The following COL25A1 variants were observed in gnomAD, a reference collection of about 807,000 sequenced individuals.
COL25A1 encodes the protein collagen type XXV alpha 1 chain.
Under a neutral mutation model 128.4 loss-of-function variants are expected in COL25A1, and 103 were observed. The observed-to-expected ratio is 0.80, with a 90% CI of 0.68 to 0.94. The LOEUF (loss-of-function observed/expected upper bound fraction) is 0.94. COL25A1 is among the 40% of genes least tolerant of loss of function. The pLI is 0.00. For missense variants in COL25A1, 745 were observed against 840.0 expected (o/e 0.89, Z 1.40); for synonymous variants, 279 against 277.2 (o/e 1.01, Z -0.06).
At chr4:109,237,368 G>A (rs527944796) in intron 3 of COL25A1, among the ~76,000 whole-genome samples, 4 of 152,162 alleles carry the variant, frequency 2.6e-5, no homozygotes, top group East Asian at 3.9e-4. Flanking sequence ...TCTCATACAC[G>A]AGGTATTTAG....
At chr4:108,988,682 C>T (rs1239808293) in intron 6 of COL25A1, among the ~76,000 whole-genome samples, 2 of 152,184 alleles carry the variant, frequency 1.3e-5, no homozygotes, top group East Asian at 1.9e-4. Flanking sequence ...TTTTCAATAA[C>T]GAGTCACTCC....
intron 3 of COL25A1, among the ~76,000 whole-genome samples, chr4:109,163,681 G>A (rs1772798370): frequency 6.6e-6 from 1 of 152,104 alleles, no homozygotes; most frequent in Admixed American, 6.5e-5. Flanking sequence ...TCTGACTTTG[G>A]GAACAAGAAC....
At chr4:109,198,804 T>C (rs1776324950) in intron 3 of COL25A1, among the ~76,000 whole-genome samples, 3 of 152,242 alleles carry the variant, frequency 2.0e-5, no homozygotes. Flanking sequence ...GATGCTTTCC[T>C]GAAGACTTCT....
intron 5 of COL25A1, among the ~76,000 whole-genome samples, chr4:109,028,209 C>G (rs570364487): frequency 6.6e-6 from 1 of 152,284 alleles, no homozygotes; most frequent in South Asian, 2.1e-4. Context: ...ATTGCAGTCT[C>G]ACACTCCTCC....
chr4:108,871,256 C>G (rs559638195), intron 19 of COL25A1, among the ~76,000 whole-genome samples: 6 of 152,248 alleles, frequency 3.9e-5, no homozygotes, highest in Admixed American at 6.5e-5. Context: ...TTTCTAGATA[C>G]AAAATTAGCA....
At chr4:109,235,943 C>G (rs1779448043) in intron 3 of COL25A1, among the ~76,000 whole-genome samples, 1 of 152,040 alleles carries the variant, frequency 6.6e-6, no homozygotes. Context: ...CCCTGTGACA[C>G]AGATTCTTCT....
Position 109,036,131 on chromosome 4 carries a change from G to A in COL25A1, c.420+12037C>T, listed in dbSNP as rs188925989. On this transcript the variant is annotated intron_variant, in intron 5 of 37. Transcript: ENST00000399132. ...TTTAGTAGAGACAGGGTTTCACTGT[G>A]CTAGCCAGGATGGTCTCGATCTCCT... Among the ~76,000 whole-genome samples, 1,508 of 151,924 alleles carry A rather than the reference G, an allele frequency of 9.9e-3. 26 individuals carry two copies. Among genetic ancestry groups the A allele is most frequent in the African/African-American group, 0.035 (1,445 of 41,458 alleles).
At chr4:109,154,145 C>A (rs1368199918) in intron 3 of COL25A1, among the ~76,000 whole-genome samples, 1 of 152,146 alleles carries the variant, frequency 6.6e-6, no homozygotes, top group Admixed American at 6.5e-5. Flanking sequence ...TTATGATTAT[C>A]ATCTTTATGA....
intron 3 of COL25A1, among the ~76,000 whole-genome samples, chr4:109,070,957 C>G (rs1461014817): frequency 6.6e-6 from 1 of 151,914 alleles, no homozygotes; most frequent in East Asian, 1.9e-4. Context: ...TGGGTTGATT[C>G]CAAGTCTTTG....
At chr4:109,294,666 T>C (rs1439871302) in intron 3 of COL25A1, among the ~76,000 whole-genome samples, 1 of 152,112 alleles carries the variant, frequency 6.6e-6, no homozygotes, top group Non-Finnish European at 1.5e-5. Flanking sequence ...GATTGACTCA[T>C]ACATTGTTTT....
chr4:109,159,850 A>G (rs908868976), intron 3 of COL25A1, among the ~76,000 whole-genome samples: 1 of 152,208 alleles, frequency 6.6e-6, no homozygotes, highest in African/African-American at 2.4e-5. Flanking sequence ...GAGGGTCAAA[A>G]GTGTGAAAGT....
intron 3 of COL25A1, among the ~76,000 whole-genome samples, chr4:109,247,835 A>G (rs1445938271): frequency 1.3e-5 from 2 of 152,184 alleles, no homozygotes; most frequent in Non-Finnish European, 2.9e-5. Flanking sequence ...ATACAGAAAC[A>G]TAAGAGACAA....
intron 3 of COL25A1, among the ~76,000 whole-genome samples, chr4:109,220,243 T>C (rs1778315949): frequency 1.3e-5 from 2 of 152,214 alleles, no homozygotes; most frequent in Admixed American, 6.5e-5. Flanking sequence ...TTCGTTACAT[T>C]TTATTTTAAA....
chr4:109,161,683 G>T (rs907939173), intron 3 of COL25A1, among the ~76,000 whole-genome samples: 15 of 152,178 alleles, frequency 9.9e-5, no homozygotes, highest in Non-Finnish European at 1.5e-4. Context: ...AACTCTGGAA[G>T]TTATATTGTA....
At chr4:108,915,141 C>G (rs1315634980) in intron 13 of COL25A1, among the ~76,000 whole-genome samples, 1 of 152,202 alleles carries the variant, frequency 6.6e-6, no homozygotes, top group Non-Finnish European at 1.5e-5. Context: ...ACTGCATAAG[C>G]AGTCCTTTCT....
intron 13 of COL25A1, among the ~76,000 whole-genome samples, chr4:108,915,510 T>C (rs1744768160): frequency 6.6e-6 from 1 of 152,236 alleles, no homozygotes; most frequent in African/African-American, 2.4e-5. Context: ...CAGTGTTTTC[T>C]TAAAATAGTA....
At chr4:109,133,092 G>A (rs1049086162) in intron 3 of COL25A1, among the ~76,000 whole-genome samples, 9 of 151,800 alleles carry the variant, frequency 5.9e-5, no homozygotes, top group African/African-American at 1.7e-4. Context: ...CATCTACTAC[G>A]TTAGACTGCA....
At chr4:108,866,573 C>A (rs921566) in intron 20 of COL25A1, among the ~76,000 whole-genome samples, 3,005 of 152,230 alleles carry the variant, frequency 0.02, 101 homozygotes, top group African/African-American at 0.067. Flanking sequence ...TGTTTTGATG[C>A]CATTGTACAT....
chr4:109,224,320 T>C (rs1015375813), intron 3 of COL25A1, among the ~76,000 whole-genome samples: 1 of 152,154 alleles, frequency 6.6e-6, no homozygotes, highest in African/African-American at 2.4e-5. Flanking sequence ...AATATATGGG[T>C]AGAACCCTTT....
Sources: gnomAD v4.1 joint callset for allele counts (sites outside exome capture counted in the v4.1 genomes callset) on GRCh38, gnomAD v4.1.1 for gene constraint, MANE v1.5 for transcripts, NCBI Gene and HGNC (gene_info 2026-07-23, HGNC 2026-07-21) for gene names.